HTR1F: variants seen among roughly 807,000 people sequenced by gnomAD.
HTR1F encodes 5-hydroxytryptamine (serotonin) receptor 1F, G protein-coupled.
HTR1F carries 17 observed loss-of-function variants against 24.0 expected under a neutral mutation model. The observed-to-expected ratio is 0.71, with a 90% CI of 0.48 to 1.06. HTR1F has a LOEUF of 1.06. Ranked by LOEUF, HTR1F falls within the 50% of genes least tolerant of loss-of-function variation. HTR1F has a pLI of 0.00. For synonymous variants in HTR1F, 186 were observed against 156.8 expected (o/e 1.19, Z -1.39); for missense variants, 391 against 427.8 (o/e 0.91, Z 0.76).
intron 2 of HTR1F, among the ~76,000 whole-genome samples, chr3:87,978,896 GGAAGGAAGGA>G (rs1193468172): frequency 1.3e-4 from 11 of 84,746 alleles, no homozygotes; most frequent in African/African-American, 5.2e-4. Context: ...GAGGGAGGAA[GGAAGGAAGGA>G]AGGAAGGAAG....
chr3:87,980,709 G>T (rs1184084599), intron 2 of HTR1F, among the ~76,000 whole-genome samples: 1 of 152,098 alleles, frequency 6.6e-6, no homozygotes, highest in Non-Finnish European at 1.5e-5. Context: ...GCACCTAGCT[G>T]CCCTCAGTCC....
At chr3:87,814,130 T>C (rs1489777) in intron 1 of HTR1F, among the ~76,000 whole-genome samples, 64,824 of 152,014 alleles carry the variant, frequency 0.43, 16,528 homozygotes, top group African/African-American at 0.72. Flanking sequence ...TTTAAAGTAA[T>C]GAATGACGCA....
At chr3:87,804,377 C>A (rs1704040911) in intron 1 of HTR1F, among the ~76,000 whole-genome samples, 1 of 151,734 alleles carries the variant, frequency 6.6e-6, no homozygotes, top group Non-Finnish European at 1.5e-5. Context: ...CTGAGACAGC[C>A]TGGGAAACAC....
At chr3:87,935,726 A>T (rs558579206) in intron 2 of HTR1F, among the ~76,000 whole-genome samples, 68 of 152,320 alleles carry the variant, frequency 4.5e-4, no homozygotes, top group African/African-American at 1.6e-3. Context: ...TCATAAAATT[A>T]TGAGAGGTTT....
intron 2 of HTR1F, among the ~76,000 whole-genome samples, chr3:87,958,453 G>A (rs1164839420): frequency 1.3e-5 from 2 of 151,360 alleles, no homozygotes; most frequent in African/African-American, 4.8e-5. Flanking sequence ...CCCCAAGTAG[G>A]GTTGTTAGCT....
intron 2 of HTR1F, among the ~76,000 whole-genome samples, chr3:87,872,520 A>G (rs2107258465): frequency 6.6e-6 from 1 of 152,182 alleles, no homozygotes. Context: ...TATTTGGCAA[A>G]CCCTTAACTT....
intron 2 of HTR1F, among the ~76,000 whole-genome samples, chr3:87,825,993 T>C (rs1490667194): frequency 1.1e-4 from 16 of 152,208 alleles, no homozygotes; most frequent in Non-Finnish European, 1.5e-5. Flanking sequence ...TCATATTTCA[T>C]AGGATTGTTG....
chr3:87,903,826 A>G (rs929723939), intron 2 of HTR1F, among the ~76,000 whole-genome samples: 9 of 152,156 alleles, frequency 5.9e-5, no homozygotes, highest in African/African-American at 1.7e-4. Context: ...GCATGCACAC[A>G]TATGTTTATT....
intron 2 of HTR1F, among the ~76,000 whole-genome samples, chr3:87,922,125 C>T (rs1246126738): frequency 6.6e-6 from 1 of 151,930 alleles, no homozygotes; most frequent in Non-Finnish European, 1.5e-5. Flanking sequence ...AATGGGCATA[C>T]TAATTTACAT....
intron 2 of HTR1F, among the ~76,000 whole-genome samples, chr3:87,980,807 A>G (rs1415667072): frequency 6.6e-6 from 1 of 152,224 alleles, no homozygotes; most frequent in Admixed American, 6.5e-5. Context: ...CACTGCTTCA[A>G]GCACACACAC....
chr3:87,932,857 G>T (rs1269944118), intron 2 of HTR1F, among the ~76,000 whole-genome samples: 1 of 151,598 alleles, frequency 6.6e-6, no homozygotes, highest in African/African-American at 2.4e-5. Context: ...ATTTTATGAG[G>T]CCAGCATCAT....
chr3:87,976,367 C>A (rs1398211960), intron 2 of HTR1F, among the ~76,000 whole-genome samples: 1 of 151,966 alleles, frequency 6.6e-6, no homozygotes, highest in Non-Finnish European at 1.5e-5. Context: ...GCCAGCTTAG[C>A]TTGATTAACT....
At chr3:87,880,347 T>C (rs2107278329) in intron 2 of HTR1F, among the ~76,000 whole-genome samples, 1 of 152,144 alleles carries the variant, frequency 6.6e-6, no homozygotes, top group East Asian at 1.9e-4. Context: ...TAAAATTTTT[T>C]AAAGATAATT....
chr3:87,874,169 C>CA (rs988292558), intron 2 of HTR1F, among the ~76,000 whole-genome samples: 4 of 151,704 alleles, frequency 2.6e-5, no homozygotes, highest in Non-Finnish European at 4.4e-5. Context: ...ACCAAATTGG[C>CA]AAAAATAAAT....
intron 2 of HTR1F, among the ~76,000 whole-genome samples, chr3:87,910,650 C>CA: frequency 6.6e-6 from 1 of 152,060 alleles, no homozygotes; most frequent in East Asian, 1.9e-4. Flanking sequence ...ACTCTGCACC[C>CA]AAAAACAACA....
intron 2 of HTR1F, among the ~76,000 whole-genome samples, chr3:87,911,459 C>G (rs1437374815): frequency 6.6e-6 from 1 of 151,882 alleles, no homozygotes; most frequent in African/African-American, 2.4e-5. Flanking sequence ...GGCTCCAAAA[C>G]TGAATCAGTA....
intron 2 of HTR1F, among the ~76,000 whole-genome samples, chr3:87,942,751 T>TTTTA (rs58283915): frequency 5.3e-5 from 8 of 151,434 alleles, no homozygotes; most frequent in African/African-American, 1.9e-4. Flanking sequence ...TTTTTTTTTT[T>TTTTA]ATCCTGTTTG....
chr3:87,898,826 G>A (rs1435156218), intron 2 of HTR1F, among the ~76,000 whole-genome samples: 3 of 152,040 alleles, frequency 2.0e-5, no homozygotes, highest in Non-Finnish European at 4.4e-5. Context: ...AAGCAACTCA[G>A]AGAAATCTAA....
At position 87,830,176 on chromosome 3, in the gene HTR1F, C is replaced by T. The variant is rs149428540; in HGVS notation, c.-43+8052C>T. On this transcript the variant is annotated intron_variant, in intron 2 of 2. Coordinates refer to ENST00000319595, the MANE Select transcript of HTR1F (RefSeq NM_001322209.2). ...TCTTTTTGTGACATACTTGCTTCACCTGGATATGATTCTAGAGAGTCTATG... is the reference window on the plus strand; with the variant it reads ...TCTTTTTGTGACATACTTGCTTCACTTGGATATGATTCTAGAGAGTCTATG... Among the ~76,000 whole-genome samples the T allele has an allele frequency of 9.6e-3, 1,454 of 152,108 alleles. 6 individuals carry two copies. The highest frequency in any genetic ancestry group is 0.015 in the Non-Finnish European group (997 of 67,970).
Sources: gnomAD v4.1 joint callset for allele counts (sites outside exome capture counted in the v4.1 genomes callset) on GRCh38, gnomAD v4.1.1 for gene constraint, MANE v1.5 for transcripts, NCBI Gene and HGNC (gene_info 2026-07-23, HGNC 2026-07-21) for gene names.